Variants in HJURP observed in about 807,000 individuals in gnomAD.
HJURP encodes the protein 14-3-3-associated AKT substrate.
Under a neutral mutation model 72.0 loss-of-function variants are expected in HJURP, and 49 were observed. The observed-to-expected ratio is 0.68, with a 90% CI of 0.54 to 0.86. HJURP has a LOEUF of 0.86. HJURP is among the 40% of genes least tolerant of loss of function. The pLI, the probability that HJURP is intolerant of heterozygous loss-of-function variation, is 0.00. For missense variants in HJURP, 908 were observed against 936.3 expected (o/e 0.97, Z 0.39); for synonymous variants, 357 against 347.1 (o/e 1.03, Z -0.32).
At chr2:233,854,262 G>A in intron 1 of HJURP, 122 bp downstream of exon 1, 1 of 666,072 alleles carries the variant, frequency 1.5e-6, no homozygotes, top group Non-Finnish European at 2.5e-6. Context: ...CCAAGCCCCA[G>A]TCCCGCTTCC....
chr2:233,840,576 TA>T, intron 8 of HJURP, 32 bp downstream of exon 8: 1 of 1,540,242 alleles, frequency 6.5e-7, no homozygotes, highest in Non-Finnish European at 8.7e-7. Context: ...GTCACTCACA[TA>T]AACCACATTC....
At chr2:233,851,620 G>A (rs918245786) in intron 3 of HJURP, among the ~76,000 whole-genome samples, 19 of 152,168 alleles carry the variant, frequency 1.2e-4, no homozygotes, top group Non-Finnish European at 2.5e-4. Flanking sequence ...AGTTGATGAA[G>A]AGAAGAGTTT....
intron 4 of HJURP, among the ~76,000 whole-genome samples, chr2:233,849,372 C>A (rs562533699): frequency 6.6e-6 from 1 of 152,028 alleles, no homozygotes; most frequent in East Asian, 1.9e-4. Flanking sequence ...TGGGGGTGGG[C>A]AGTGAGACTG....
At position 233,844,548 on chromosome 2, in the gene HJURP, C is replaced by A. The variant is rs926479465; in HGVS notation, c.496-265G>T. On this transcript the variant is annotated intron_variant, in intron 6 of 8. Coordinates refer to ENST00000411486, the MANE Select transcript of HJURP (RefSeq NM_018410.5). The stretch of plus-strand genomic sequence containing the variant: ...TGCCAGTAACTTCTTACCCCAGGGG[C>A]GCTGGTAGCTTTCTTTGTCTAGCAT... 3.7e-4 allele frequency among the ~76,000 whole-genome samples: 56 copies of A among 152,156 alleles called. 1 individual carries two copies. The highest frequency in any genetic ancestry group is 1.3e-4 in the Non-Finnish European group (9 of 68,038).
At chr2:233,848,042 T>G (rs1346464191) in intron 4 of HJURP, among the ~76,000 whole-genome samples, 2 of 152,070 alleles carry the variant, frequency 1.3e-5, no homozygotes, top group Non-Finnish European at 2.9e-5. Flanking sequence ...AGTAAACACA[T>G]AGCACCACAG....
At chr2:233,854,361 C>G in intron 1 of HJURP, 23 bp downstream of exon 1, 1 of 1,566,682 alleles carries the variant, frequency 6.4e-7, no homozygotes, top group South Asian at 1.1e-5. Context: ...CCTCCCCTCC[C>G]GGCGGACCGG....
intron 1 of HJURP, 62 bp downstream of exon 1, chr2:233,854,322 C>T: frequency 1.7e-6 from 2 of 1,185,338 alleles, no homozygotes; most frequent in South Asian, 1.3e-5. Flanking sequence ...CGTCCTACGT[C>T]CCCTCCCAGC....
Position 233,841,774 on chromosome 2 carries a change from C to T in HJURP, c.1006G>A (p.Ala336Thr). ...PCSEPVKGTG[A>T]LRDCKNVLDV... ...AATACGTTCTTGCAATCTCTTAATG[C>T]CCCTGTCCCTTTCACAGGCTCAGAG... Residue 336 changes from alanine (A) to threonine (T), a missense_variant, in exon 8 of 9, where the codon GCA (alanine) becomes ACA (threonine). By Grantham distance (58) the Ala-to-Thr change is moderately conservative (BLOSUM62 0). Around this residue, in one of 3 missense-constraint regions of HJURP, gnomAD observed 598 missense variants for 619.5 expected, o/e 0.97. Transcript: ENST00000411486. The T allele has an allele frequency of 6.2e-7, 1 of 1,614,122 alleles. No individual in the cohort carries two copies. Among genetic ancestry groups the T allele is most frequent in the Non-Finnish European group, 8.5e-7 (1 of 1,179,976 alleles).
In HJURP at chr2:233,840,661, T is replaced by C. The variant is rs1237056726; in HGVS notation, c.2119A>G (p.Thr707Ala). 2.5e-6 allele frequency: 4 copies of C among 1,612,720 alleles called. No homozygotes were observed. The highest frequency in any genetic ancestry group is 1.3e-5 in the African/African-American group (1 of 74,768). ...CTGCCCTGGTCTCCCGGTCTGACGGTGTTGTCCACCCCATCTGAGGCACCC... is the reference window on the plus strand; with the variant it reads ...CTGCCCTGGTCTCCCGGTCTGACGGCGTTGTCCACCCCATCTGAGGCACCC... ...SLGASDGVDN[T>A]VRPGDQGSSS... The change falls in exon 8 of 9, where the codon ACC (threonine) becomes GCC (alanine). Residue 707 changes from threonine to alanine, a missense_variant. Physicochemically the swap from Thr to Ala is moderately conservative, Grantham distance 58. Around this residue, in one of 3 missense-constraint regions of HJURP, gnomAD observed 598 missense variants for 619.5 expected, o/e 0.97. Transcript: ENST00000411486.
Position 233,840,743 on chromosome 2 carries a change from AG to A in HJURP, c.2036del (p.Pro679LeufsTer62). 1 of 1,614,070 alleles carries A rather than the reference AG, an allele frequency of 6.2e-7. No individual in the cohort carries two copies. Among genetic ancestry groups the A allele is most frequent in the Non-Finnish European group, 8.5e-7 (1 of 1,180,004 alleles). On this transcript the variant is annotated frameshift_variant, in exon 8 of 9. Transcript: ENST00000411486. LOFTEE classifies it high-confidence loss of function. ...TRDGTRDHQFPAKRPRLSEPQ... is the reference protein window; with the variant it reads ...TRDGTRDHQFXAKRPRLSEPQ... ...GTTCTGATAGCCTGGGTCTTTTTGC[AG>A]GGAACTGATGGTCCCTCGTGCCATC... is the stretch of plus-strand genomic sequence containing the variant.
In HJURP at chr2:233,846,904, G is replaced by A. The variant is rs1164750594; in HGVS notation, c.402+493C>T. ...AAACGGGTGGTTTCTGTGACCCAGGGGGCACTCTGGGAAACAGACATATAG... is the reference window on the plus strand; with the variant it reads ...AAACGGGTGGTTTCTGTGACCCAGGAGGCACTCTGGGAAACAGACATATAG... On this transcript the variant is annotated intron_variant, in intron 5 of 8. Coordinates refer to ENST00000411486, the MANE Select transcript of HJURP (RefSeq NM_018410.5). The surrounding 1 kb of genome is among the most constrained non-coding windows in gnomAD (Gnocchi z 4.3). Among the ~76,000 whole-genome samples, 1 of 152,140 alleles carries A rather than the reference G, an allele frequency of 6.6e-6. No individual in the cohort carries two copies. Among genetic ancestry groups the A allele is most frequent in the African/African-American group, 2.4e-5 (1 of 41,430 alleles).
At chr2:233,844,183 AC>A in intron 7 of HJURP, 21 bp downstream of exon 7, 2 of 1,609,078 alleles carry the variant, frequency 1.2e-6, no homozygotes, top group Non-Finnish European at 1.7e-6. Context: ...CACTGTTCAT[AC>A]AGTTTCTATG....
At chr2:233,852,494 C>A in intron 3 of HJURP, 71 bp downstream of exon 3, 1 of 1,165,508 alleles carries the variant, frequency 8.6e-7, no homozygotes, top group East Asian at 2.3e-5. Flanking sequence ...GTTGGGCATA[C>A]CCACACCTTT....
intron 8 of HJURP, 37 bp downstream of exon 8, chr2:233,840,572 C>T (rs1313453631): frequency 6.5e-7 from 1 of 1,533,464 alleles, no homozygotes. Flanking sequence ...AGCAGTCACT[C>T]ACATAAACCA....
intron 3 of HJURP, among the ~76,000 whole-genome samples, chr2:233,852,225 C>A (rs1381620404): frequency 6.6e-6 from 1 of 152,146 alleles, no homozygotes; most frequent in Non-Finnish European, 1.5e-5. Flanking sequence ...CTGTAAGGAC[C>A]CAAACAAAGT....
rs1705555998 is a variant in HJURP, at chr2:233,854,002, T to C, written c.118-92A>G. The C allele has an allele frequency of 5.2e-6, 6 of 1,162,342 alleles. No homozygotes were observed. The South Asian group carries it at 6.6e-5, about 13-fold the overall frequency. 72.0% of individuals were successfully genotyped at this position (1,162,342 alleles called of 1,614,324 possible). Reference sequence around the variant, plus strand: ...GCGGCGCCAGCCCGTGAGAGGCCGTTAGTCTGGCCTGGGGCGCCCCAAACG... The same window carrying C: ...GCGGCGCCAGCCCGTGAGAGGCCGTCAGTCTGGCCTGGGGCGCCCCAAACG... On this transcript the variant is annotated intron_variant, in intron 1 of 8. Transcript: ENST00000411486.
Position 233,846,069 on chromosome 2 carries a change from T to C in HJURP, c.403-249A>G, listed in dbSNP as rs541999335. 1.5e-4 allele frequency: 61 copies of C among 404,290 alleles called. No individual in the cohort carries two copies. Among genetic ancestry groups the C allele is most frequent in the African/African-American group, 1.0e-3 (51 of 49,718 alleles). The allele number at this position is 404,290 out of a possible 1,614,324, so 25.0% of individuals were successfully genotyped here. On this transcript the variant is annotated intron_variant, in intron 5 of 8. Transcript: ENST00000411486. The surrounding 1 kb of genome is among the most constrained non-coding windows in gnomAD (Gnocchi z 4.3). ...CTAGAGAAGTTTATGACAGCATTGC[T>C]AGACCAGGAAAAAAAAAATCTGAAT...
chr2:233,846,100 T>G lies in HJURP; in HGVS notation c.403-280A>C. 1 of 324,920 alleles carries G rather than the reference T, an allele frequency of 3.1e-6. No homozygotes were observed. The highest frequency in any genetic ancestry group is 5.7e-6 in the Non-Finnish European group (1 of 175,204). 20.1% of individuals were successfully genotyped at this position (324,920 alleles called of 1,614,324 possible). Reference sequence around the variant, plus strand: ...AGGAAAAAAAAAATCTGAATATTCATAGGTGAGTTCAGGACTCAACTACTG... The same window carrying G: ...AGGAAAAAAAAAATCTGAATATTCAGAGGTGAGTTCAGGACTCAACTACTG... On this transcript the variant is annotated intron_variant, in intron 5 of 8. Transcript: ENST00000411486. The surrounding 1 kb of genome is among the most constrained non-coding windows in gnomAD (Gnocchi z 4.3).
At chr2:233,852,997 G>A (rs1275532320) in intron 2 of HJURP, among the ~76,000 whole-genome samples, 3 of 152,190 alleles carry the variant, frequency 2.0e-5, no homozygotes, top group Admixed American at 2.0e-4. Context: ...CTGAATGAAT[G>A]CTTTCTAAGG....
Sources: allele counts gnomAD v4.1 joint callset (sites outside exome capture counted in the v4.1 genomes callset), GRCh38; gene constraint gnomAD v4.1.1; regional missense constraint gnomAD v4.1.1; non-coding constraint Gnocchi (gnomAD v3.1); transcripts MANE v1.5; gene names NCBI Gene and HGNC (gene_info 2026-07-23, HGNC 2026-07-21).